Variants in ANP32E observed in about 807,000 individuals in gnomAD.
ANP32E encodes the protein acidic nuclear phosphoprotein 32 family member E.
A neutral mutation model predicts 35.3 loss-of-function variants in ANP32E; 14 were observed. That is an observed-to-expected ratio of 0.40 (90% CI 0.26 to 0.62). The LOEUF (loss-of-function observed/expected upper bound fraction) is 0.62, where lower values mean the gene tolerates loss of function less well. Ranked by LOEUF, ANP32E falls within the 20% of genes least tolerant of loss-of-function variation. ANP32E has a pLI of 0.45. For synonymous variants in ANP32E, 89 were observed against 110.4 expected (o/e 0.81, Z 1.22); for missense variants, 198 against 304.4 (o/e 0.65, Z 2.60).
rs1368179811 is a variant in ANP32E, at chr1:150,219,096, T to C, written c.*1595A>G. On this transcript the variant is annotated 3_prime_UTR_variant, in exon 7 of 7. Transcript: ENST00000583931. ...TACTTTAAAACACCAAGTCATACAT[T>C]TTACATTGTAGAAGCAGTAGCAGCA... 6.6e-6 allele frequency: 1 copy of C among 152,204 alleles called. No homozygotes were observed. Among genetic ancestry groups the C allele is most frequent in the Non-Finnish European group, 1.5e-5 (1 of 68,026 alleles). The allele number at this position is 152,204 out of a possible 1,614,324, so 9.4% of individuals were successfully genotyped here. A position where few individuals can be genotyped will look rare whatever the true frequency, so the allele number is the denominator to read the frequency against.
In ANP32E at chr1:150,236,051, TAC is replaced by T. The variant is rs1159794096; in HGVS notation, c.-267_-266del. 5.3e-5 allele frequency: 26 copies of T among 488,474 alleles called. No homozygotes were observed. The highest frequency in any genetic ancestry group is 4.5e-4 in the Middle Eastern group (1 of 2,198). The allele number at this position is 488,474 out of a possible 1,614,324, so 30.3% of individuals were successfully genotyped here. ...ACACGCACGCACGCGCGCACACACA[TAC>T]ACACACACATACACACACACACCCG... On this transcript the variant is annotated 5_prime_UTR_variant, in exon 1 of 7. It introduces an in-frame stop codon into an upstream open reading frame of the 5' UTR. Transcript: ENST00000583931.
Position 150,233,808 on chromosome 1 carries a change from A to G in ANP32E, c.55-1882T>C, listed in dbSNP as rs144347599. On this transcript the variant is annotated intron_variant, in intron 1 of 6. Coordinates refer to ENST00000583931, the MANE Select transcript of ANP32E (RefSeq NM_030920.5). ...CTTGAGCTCCGTTTTGGAGAAGAGG[A>G]AACTATGGCCCAGAGATGAAGAATG... Among the ~76,000 whole-genome samples the G allele has an allele frequency of 1.5e-4, 23 of 152,280 alleles. 1 individual carries two copies. The highest frequency in any genetic ancestry group is 5.1e-4 in the African/African-American group (21 of 41,556).
At chr1:150,230,733 G>C in intron 2 of ANP32E, 40 bp from the exon 3 acceptor site, 6 of 1,552,402 alleles carry the variant, frequency 3.9e-6, no homozygotes, top group Non-Finnish European at 5.2e-6. Context: ...AATGGTAAAG[G>C]TATCATATCA....
At chr1:150,233,090 C>A (rs1553842292) in intron 1 of ANP32E, among the ~76,000 whole-genome samples, 2 of 151,674 alleles carry the variant, frequency 1.3e-5, no homozygotes, top group Non-Finnish European at 2.9e-5. Context: ...CATAGTGAAA[C>A]CCCGTCCCTA....
chr1:150,233,376 C>A (rs1159090857), intron 1 of ANP32E, among the ~76,000 whole-genome samples: 1 of 151,784 alleles, frequency 6.6e-6, no homozygotes, highest in African/African-American at 2.4e-5. Context: ...TCAAAAAATC[C>A]TCCTTACCCT....
chr1:150,223,339 T>C (rs1553838694), intron 5 of ANP32E, 99 bp from the exon 6 acceptor site: 1 of 1,445,344 alleles, frequency 6.9e-7, no homozygotes, highest in Non-Finnish European at 9.4e-7. Context: ...ACTATGGTTA[T>C]TCTGTGTTTT....
At chr1:150,233,546 C>A (rs1553842458) in intron 1 of ANP32E, among the ~76,000 whole-genome samples, 1 of 152,150 alleles carries the variant, frequency 6.6e-6, no homozygotes. Context: ...CACTTTTCCC[C>A]ATTCCTCAAG....
intron 2 of ANP32E, among the ~76,000 whole-genome samples, 190 bp from the exon 3 acceptor site, chr1:150,230,883 C>T (rs1649299219): frequency 1.3e-5 from 2 of 152,000 alleles, no homozygotes; most frequent in South Asian, 4.1e-4. Flanking sequence ...GCTGGGATTA[C>T]AGGTGCCCAC....
intron 5 of ANP32E, among the ~76,000 whole-genome samples, chr1:150,226,162 G>A (rs1648862288): frequency 6.6e-6 from 1 of 152,046 alleles, no homozygotes; most frequent in Non-Finnish European, 1.5e-5. Context: ...GTGCCATCAT[G>A]CCCAGCTAAT....
intron 1 of ANP32E, among the ~76,000 whole-genome samples, chr1:150,233,898 G>A (rs1208130538): frequency 1.3e-5 from 2 of 152,004 alleles, no homozygotes; most frequent in African/African-American, 4.8e-5. Flanking sequence ...CAGACTCCCC[G>A]TTTAGCTGAG....
rs782706818 is a variant in ANP32E, at chr1:150,236,061, CAT to C, written c.-277_-276del. 21 of 412,764 alleles carry C rather than the reference CAT, an allele frequency of 5.1e-5. No individual in the cohort carries two copies. In the East Asian group the frequency reaches 8.5e-4, roughly 17 times the overall value. The allele number at this position is 412,764 out of a possible 1,614,324, so 25.6% of individuals were successfully genotyped here. On this transcript the variant is annotated 5_prime_UTR_variant, in exon 1 of 7. It removes an upstream start codon present in the reference 5' UTR. Coordinates refer to ENST00000583931, the MANE Select transcript of ANP32E (RefSeq NM_030920.5). ...ACGCGCGCACACACATACACACACACATACACACACACACCCGCAGTTCCTTC... is the reference window on the plus strand; with the variant it reads ...ACGCGCGCACACACATACACACACACACACACACACACCCGCAGTTCCTTC...
chr1:150,232,470 TTTTC>T (rs1649434807), intron 1 of ANP32E, among the ~76,000 whole-genome samples: 1 of 24,250 alleles, frequency 4.1e-5, no homozygotes, highest in Non-Finnish European at 9.3e-4. Context: ...TAAATTTCTT[TTTTC>T]TTTTTTTTTT....
rs1005422246 is a variant in ANP32E, at chr1:150,218,950, G to T, written c.*1741C>A. The stretch of plus-strand genomic sequence containing the variant: ...GAACAGGGAATTTCAGTTTTTAAAA[G>T]CAGAAGAAAAATGTTATCTTTTTGG... On this transcript the variant is annotated 3_prime_UTR_variant, in exon 7 of 7. Coordinates refer to ENST00000583931, the MANE Select transcript of ANP32E (RefSeq NM_030920.5). The T allele has an allele frequency of 1.3e-5, 2 of 152,432 alleles. No homozygotes were observed. The highest frequency in any genetic ancestry group is 2.9e-5 in the Non-Finnish European group (2 of 68,008). The allele number at this position is 152,432 out of a possible 1,614,324, so 9.4% of individuals were successfully genotyped here.
At chr1:150,221,166 G>A (rs995567552) in intron 6 of ANP32E, among the ~76,000 whole-genome samples, 3 of 146,690 alleles carry the variant, frequency 2.0e-5, no homozygotes, top group Admixed American at 1.4e-4. Context: ...GGCCAGGTAA[G>A]GTGGCTCACG....
rs956934602 is a variant in ANP32E, at chr1:150,223,355, C to T, written c.682-115G>A. 9 of 1,358,398 alleles carry T rather than the reference C, an allele frequency of 6.6e-6. No individual in the cohort carries two copies. In the African/African-American group the frequency reaches 1.3e-4, roughly 20 times the overall value. The allele number at this position is 1,358,398 out of a possible 1,614,324, so 84.1% of individuals were successfully genotyped here. ...CTATGGTTATTCTGTGTTTTGACAACCTCTGCCATTCTTATAAAGGTCCTT... is the reference window on the plus strand; with the variant it reads ...CTATGGTTATTCTGTGTTTTGACAATCTCTGCCATTCTTATAAAGGTCCTT... On this transcript the variant is annotated intron_variant, in intron 5 of 6. Transcript: ENST00000583931.
At chr1:150,229,000 G>T in intron 4 of ANP32E, 72 bp downstream of exon 4, 4 of 1,383,132 alleles carry the variant, frequency 2.9e-6, no homozygotes, top group Admixed American at 2.5e-5. Context: ...AAATTTCCAG[G>T]CCCAATCTAA....
intron 5 of ANP32E, among the ~76,000 whole-genome samples, chr1:150,225,496 CCT>C (rs1427919523): frequency 6.6e-6 from 1 of 151,320 alleles, no homozygotes; most frequent in Non-Finnish European, 1.5e-5. Context: ...ATGGTGAAAC[CCT>C]GTCTCTACAA....
chr1:150,234,725 G>T (rs1221648387), intron 1 of ANP32E: 50 of 960,512 alleles, frequency 5.2e-5, no homozygotes, highest in Non-Finnish European at 6.1e-5. Flanking sequence ...AAAACGGGTC[G>T]CCTCCCAACC....
chr1:150,228,176 T>C (rs955448508), intron 4 of ANP32E, among the ~76,000 whole-genome samples: 1 of 151,922 alleles, frequency 6.6e-6, no homozygotes, highest in Admixed American at 6.6e-5. Flanking sequence ...TGACACGATC[T>C]CAGCTCACTG....
Sources: allele counts gnomAD v4.1 joint callset (sites outside exome capture counted in the v4.1 genomes callset), GRCh38; gene constraint gnomAD v4.1.1; transcripts MANE v1.5; gene names NCBI Gene and HGNC (gene_info 2026-07-23, HGNC 2026-07-21).